NUP93: variants seen among roughly 807,000 people sequenced by gnomAD.
NUP93 encodes the protein nucleoporin 93, also known as nuclear pore complex protein Nup93.
NUP93 carries 55 observed loss-of-function variants against 107.8 expected under a neutral mutation model. The ratio of observed to expected loss-of-function variants is 0.51; its 90% CI spans 0.41 to 0.64. The LOEUF (loss-of-function observed/expected upper bound fraction) is 0.64. Among genes scored for constraint, NUP93 ranks in the 30% least tolerant of loss-of-function variants. NUP93 has a pLI of 0.00. For synonymous variants in NUP93, 390 were observed against 397.5 expected (o/e 0.98, Z 0.22); for missense variants, 937 against 1,044.7 (o/e 0.90, Z 1.42).
chr16:56,808,189 TATATAACTATATAAAA>T (rs1963199754), intron 5 of NUP93, among the ~76,000 whole-genome samples: 1 of 126,096 alleles, frequency 7.9e-6, no homozygotes, highest in African/African-American at 3.1e-5. Context: ...AATATATAGT[TATATAACTATATAAAA>T]TATATAGTTA....
At chr16:56,792,076 A>AG (rs1409613872) in intron 3 of NUP93, among the ~76,000 whole-genome samples, 1 of 152,174 alleles carries the variant, frequency 6.6e-6, no homozygotes, top group Non-Finnish European at 1.5e-5. Flanking sequence ...GCTACTCCGG[A>AG]GACTTAGGTG....
intron 20 of NUP93, chr16:56,839,860 G>A: frequency 2.2e-6 from 1 of 448,532 alleles, no homozygotes; most frequent in South Asian, 2.3e-5. Flanking sequence ...GGGAGAAACA[G>A]GTTTCTGGTT....
Position 56,748,304 on chromosome 16 carries a change from G to T in NUP93, c.57G>T (p.Glu19Asp). Residue 19 changes from glutamate (E) to aspartate (D), a missense_variant, in exon 2 of 22, where the codon GAG (glutamate) becomes GAT (aspartate). Physicochemically the swap from Glu to Asp is conservative, Grantham distance 45 (BLOSUM62 2). Transcript: ENST00000308159. The stretch of plus-strand genomic sequence containing the variant: ...AGCAAGCTGAACAGCTTGCTGCTGA[G>T]ACTGAGGGCATCTCAGAGCTTCCCC... ...LLQQAEQLAA[E>D]TEGISELPHV... The T allele has an allele frequency of 6.2e-7, 1 of 1,614,044 alleles. No individual in the cohort carries two copies. The highest frequency in any genetic ancestry group is 1.3e-5 in the African/African-American group (1 of 75,026).
intron 3 of NUP93, among the ~76,000 whole-genome samples, chr16:56,766,160 C>T (rs1373199756): frequency 7.2e-5 from 11 of 152,150 alleles, no homozygotes; most frequent in Admixed American, 4.6e-4. Context: ...AAATGACAGG[C>T]TTTTTTGTCT....
At chr16:56,759,609 G>A (rs1248929934) in intron 3 of NUP93, among the ~76,000 whole-genome samples, 1 of 152,086 alleles carries the variant, frequency 6.6e-6, no homozygotes, top group Admixed American at 6.5e-5. Context: ...AGTTTTATAT[G>A]CTAAATCATT....
At position 56,805,063 on chromosome 16, in the gene NUP93, T is replaced by C. The variant is rs547059282; in HGVS notation, c.361-441T>C. Among the ~76,000 whole-genome samples, 9 of 152,026 alleles carry C rather than the reference T, an allele frequency of 5.9e-5. No homozygotes were observed. The South Asian group carries it at 1.9e-3, about 32-fold the overall frequency. On this transcript the variant is annotated intron_variant, in intron 4 of 21. Coordinates refer to ENST00000308159, the MANE Select transcript of NUP93 (RefSeq NM_014669.5). Reference sequence around the variant, plus strand: ...CTCTGTTGCCCAGGTTGGAGTGCAGTTTTTTTTGTTTTGGGACAGGGTTTT... The same window carrying C: ...CTCTGTTGCCCAGGTTGGAGTGCAGCTTTTTTTGTTTTGGGACAGGGTTTT...
intron 3 of NUP93, among the ~76,000 whole-genome samples, chr16:56,765,783 T>C (rs1236370009): frequency 6.6e-6 from 1 of 152,196 alleles, no homozygotes; most frequent in Non-Finnish European, 1.5e-5. Context: ...AAAAAAAATA[T>C]AATGTCTTCA....
At chr16:56,827,679 T>C (rs1471135790) in intron 8 of NUP93, among the ~76,000 whole-genome samples, 4 of 152,220 alleles carry the variant, frequency 2.6e-5, no homozygotes, top group African/African-American at 7.2e-5. Context: ...TTACAAGATA[T>C]TCTACCAGAC....
chr16:56,733,443 C>T (rs1315818728), intron 1 of NUP93, among the ~76,000 whole-genome samples: 1 of 152,048 alleles, frequency 6.6e-6, no homozygotes, highest in African/African-American at 2.4e-5. Flanking sequence ...TTGAGATTGG[C>T]TGAGTGTTGA....
intron 5 of NUP93, among the ~76,000 whole-genome samples, chr16:56,816,436 G>A (rs1328357524): frequency 6.6e-6 from 1 of 152,176 alleles, no homozygotes; most frequent in Non-Finnish European, 1.5e-5. Flanking sequence ...TTGTTCTGCA[G>A]TGCCGTCAGG....
intron 4 of NUP93, among the ~76,000 whole-genome samples, chr16:56,802,281 C>T (rs1376097931): frequency 1.3e-5 from 2 of 152,086 alleles, no homozygotes; most frequent in South Asian, 2.1e-4. Flanking sequence ...TGGACAACTT[C>T]TAAGAAAATT....
chr16:56,788,488 G>C (rs1962678638), intron 3 of NUP93, among the ~76,000 whole-genome samples: 1 of 152,170 alleles, frequency 6.6e-6, no homozygotes, highest in Non-Finnish European at 1.5e-5. Context: ...TTAGTGCCTG[G>C]GTGGCCATCA....
chr16:56,802,690 TA>T (rs1197915027), intron 4 of NUP93, among the ~76,000 whole-genome samples: 1 of 152,226 alleles, frequency 6.6e-6, no homozygotes, highest in Non-Finnish European at 1.5e-5. Flanking sequence ...GTGATTTTTC[TA>T]ACAGTTCCCC....
intron 3 of NUP93, among the ~76,000 whole-genome samples, chr16:56,787,884 G>A (rs1409339813): frequency 2.0e-5 from 3 of 152,076 alleles, no homozygotes; most frequent in East Asian, 3.9e-4. Context: ...TCACCTTAGC[G>A]TGACTGTGAT....
chr16:56,832,245 G>T (rs1409718803), intron 11 of NUP93, 50 bp from the exon 12 acceptor site: 18 of 1,464,938 alleles, frequency 1.2e-5, no homozygotes, highest in Non-Finnish European at 1.6e-5. Flanking sequence ...CTGTGCATGT[G>T]GCTCAGGGTG....
At chr16:56,789,756 A>G (rs554981613) in intron 3 of NUP93, among the ~76,000 whole-genome samples, 19 of 152,386 alleles carry the variant, frequency 1.2e-4, no homozygotes, top group African/African-American at 4.6e-4. Flanking sequence ...TTGAAGTTAT[A>G]TATGCAATCT....
chr16:56,807,191 T>A (rs746053538), intron 5 of NUP93, among the ~76,000 whole-genome samples: 4 of 152,234 alleles, frequency 2.6e-5, no homozygotes, highest in Non-Finnish European at 1.5e-5. Flanking sequence ...CTGGTAGCCC[T>A]GCTTCTGCCT....
Position 56,772,788 on chromosome 16 carries a change from G to T in NUP93, c.297+14133G>T, listed in dbSNP as rs8057670. On this transcript the variant is annotated intron_variant, in intron 3 of 21. Transcript: ENST00000308159. ...AGTGCATTTCCTTACTTTGGCCATTGCCTGAAGCCTCTGCTAATTTTCTAC... is the reference window on the plus strand; with the variant it reads ...AGTGCATTTCCTTACTTTGGCCATTTCCTGAAGCCTCTGCTAATTTTCTAC... Among the ~76,000 whole-genome samples, 480 of 152,352 alleles carry T rather than the reference G, an allele frequency of 3.2e-3. 4 individuals are homozygous for T. Among genetic ancestry groups the T allele is most frequent in the African/African-American group, 0.011 (443 of 41,578 alleles).
intron 3 of NUP93, among the ~76,000 whole-genome samples, chr16:56,780,448 C>CA (rs1264028275): frequency 6.6e-6 from 1 of 152,122 alleles, no homozygotes; most frequent in African/African-American, 2.4e-5. Flanking sequence ...GTTCAGACAC[C>CA]AGTGTGTTCC....
Sources: allele counts gnomAD v4.1 joint callset (sites outside exome capture counted in the v4.1 genomes callset), GRCh38; gene constraint gnomAD v4.1.1; transcripts MANE v1.5; gene names NCBI Gene and HGNC (gene_info 2026-07-23, HGNC 2026-07-21).